GALNT13: variants seen among roughly 807,000 people sequenced by gnomAD.
GALNT13 encodes UDP-GalNAc:polypeptide N-acetylgalactosaminyltransferase 13.
In GALNT13, 28 loss-of-function variants were observed where a neutral mutation model predicts 64.2. The observed-to-expected ratio is 0.44, with a 90% confidence interval of 0.32 to 0.60. The LOEUF (loss-of-function observed/expected upper bound fraction) is 0.60, where lower values mean the gene tolerates loss of function less well. Among genes scored for constraint, GALNT13 ranks in the 20% least tolerant of loss-of-function variants. The pLI is 0.05. For synonymous variants in GALNT13, 214 were observed against 224.6 expected (o/e 0.95, Z 0.42); for missense variants, 577 against 669.8 (o/e 0.86, Z 1.53).
chr2:153,179,379 T>G, the GALNT13 span, among the ~76,000 whole-genome samples: 93 of 152,224 alleles, frequency 6.1e-4, no homozygotes, highest in Non-Finnish European at 1.2e-4. Context: ...TGGGTTCATT[T>G]CTGCATTCTC....
At chr2:153,729,472 C>G in the GALNT13 span, among the ~76,000 whole-genome samples, 3 of 151,996 alleles carry the variant, frequency 2.0e-5, no homozygotes, top group South Asian at 2.1e-4. Context: ...CTTGCCTATT[C>G]CATCACAAAG....
At chr2:154,229,615 A>G (rs1688810638) in intron 4 of GALNT13, among the ~76,000 whole-genome samples, 1 of 152,092 alleles carries the variant, frequency 6.6e-6, no homozygotes, top group Non-Finnish European at 1.5e-5. Context: ...GAATAGTTGA[A>G]TGCCAATGGA....
At chr2:154,037,402 T>C (rs1349190192) in intron 3 of GALNT13, among the ~76,000 whole-genome samples, 1 of 152,188 alleles carries the variant, frequency 6.6e-6, no homozygotes, top group African/African-American at 2.4e-5. Context: ...GGGTTTCCCA[T>C]ACTGAACAGG....
the GALNT13 span, among the ~76,000 whole-genome samples, chr2:153,701,943 C>A: frequency 6.6e-6 from 1 of 152,112 alleles, no homozygotes; most frequent in Non-Finnish European, 1.5e-5. Flanking sequence ...GGATCTAGAA[C>A]AAGAAATACC....
At chr2:153,132,114 C>T in the GALNT13 span, among the ~76,000 whole-genome samples, 1 of 152,122 alleles carries the variant, frequency 6.6e-6, no homozygotes, top group Non-Finnish European at 1.5e-5. Context: ...CAGAAGAACC[C>T]ACAAAAGAAA....
At chr2:153,710,977 T>C in the GALNT13 span, among the ~76,000 whole-genome samples, 2 of 152,060 alleles carry the variant, frequency 1.3e-5, no homozygotes, top group African/African-American at 4.8e-5. Context: ...ATATGATAGA[T>C]TTGATGTTTT....
At chr2:154,201,645 T>A (rs1474340487) in intron 4 of GALNT13, among the ~76,000 whole-genome samples, 10 of 152,154 alleles carry the variant, frequency 6.6e-5, no homozygotes, top group African/African-American at 2.4e-4. Context: ...TCACATTTTT[T>A]AAAAAGTATC....
chr2:153,847,825 A>G, the GALNT13 span, among the ~76,000 whole-genome samples: 1 of 152,194 alleles, frequency 6.6e-6, no homozygotes, highest in Non-Finnish European at 1.5e-5. Context: ...GAAAGAAAGA[A>G]GTACAATATT....
At chr2:153,533,570 T>C in the GALNT13 span, among the ~76,000 whole-genome samples, 1 of 151,786 alleles carries the variant, frequency 6.6e-6, no homozygotes, top group Admixed American at 6.6e-5. Context: ...TCTTGAGCTG[T>C]TTTGATCTAT....
chr2:154,301,641 C>T, intron 9 of GALNT13, 52 bp downstream of exon 9: 1 of 1,175,310 alleles, frequency 8.5e-7, no homozygotes. Context: ...AAAATTGAAA[C>T]ATACTGAATA....
At chr2:153,990,719 A>G (rs1407674981) in intron 3 of GALNT13, among the ~76,000 whole-genome samples, 1 of 152,166 alleles carries the variant, frequency 6.6e-6, no homozygotes, top group Non-Finnish European at 1.5e-5. Context: ...TGTTAGCAAC[A>G]AGTCTAAATG....
At chr2:154,095,935 A>G (rs993386110) in intron 3 of GALNT13, among the ~76,000 whole-genome samples, 1 of 152,030 alleles carries the variant, frequency 6.6e-6, no homozygotes, top group African/African-American at 2.4e-5. Context: ...TAATCTCTGG[A>G]TACCACATCT....
chr2:153,253,788 T>C, the GALNT13 span, among the ~76,000 whole-genome samples: 1 of 151,210 alleles, frequency 6.6e-6, no homozygotes, highest in South Asian at 2.1e-4. Flanking sequence ...TTTGCGTATA[T>C]TGAATCAGCC....
chr2:153,883,748 G>A (rs1490117129), intron 1 of GALNT13, among the ~76,000 whole-genome samples: 2 of 151,694 alleles, frequency 1.3e-5, no homozygotes, highest in African/African-American at 4.8e-5. Context: ...GACAAAAAAT[G>A]TACAAAGAAA....
At chr2:153,317,939 CA>C in the GALNT13 span, among the ~76,000 whole-genome samples, 2 of 151,882 alleles carry the variant, frequency 1.3e-5, no homozygotes, top group African/African-American at 4.8e-5. Flanking sequence ...ATGTACTTCT[CA>C]ATCCCTGGTT....
chr2:153,771,425 T>G, the GALNT13 span, among the ~76,000 whole-genome samples: 2 of 152,134 alleles, frequency 1.3e-5, no homozygotes, highest in South Asian at 4.1e-4. Context: ...AAATGGTACC[T>G]CAGGCTCCTA....
At chr2:154,288,625 G>C (rs1692415736) in intron 8 of GALNT13, among the ~76,000 whole-genome samples, 1 of 152,174 alleles carries the variant, frequency 6.6e-6, no homozygotes, top group Non-Finnish European at 1.5e-5. Context: ...TGGCCCAAAT[G>C]AAGAGGCCTA....
At chr2:153,722,151 T>A in the GALNT13 span, among the ~76,000 whole-genome samples, 510 of 145,468 alleles carry the variant, frequency 3.5e-3, 4 homozygotes, top group African/African-American at 0.013. Flanking sequence ...GGATTAAGAA[T>A]CTCACTCAAA....
chr2:153,836,806 C>T, the GALNT13 span, among the ~76,000 whole-genome samples: 30 of 152,084 alleles, frequency 2.0e-4, no homozygotes, highest in Non-Finnish European at 3.8e-4. Flanking sequence ...TGATTTCCAA[C>T]TTCATCCATG....
Sources: allele counts gnomAD v4.1 joint callset (sites outside exome capture counted in the v4.1 genomes callset), GRCh38; gene constraint gnomAD v4.1.1; transcripts MANE v1.5; gene names NCBI Gene and HGNC (gene_info 2026-07-23, HGNC 2026-07-21).